Variants in VEGFC observed in about 807,000 individuals in gnomAD.
The protein encoded by VEGFC is FLT4 ligand DHM.
In VEGFC, 12 loss-of-function variants were observed where a neutral mutation model predicts 46.1. That is an observed-to-expected ratio of 0.26 (90% CI 0.17 to 0.42). The LOEUF (loss-of-function observed/expected upper bound fraction) is 0.42. Among genes scored for constraint, VEGFC ranks in the 10% least tolerant of loss-of-function variants. The probability of loss-of-function intolerance (pLI) is 1.00; values close to 1 mark genes in which losing one functional copy is unlikely to be tolerated. For missense variants in VEGFC, 488 were observed against 529.4 expected, an observed-to-expected ratio of 0.92 and a Z score of 0.77; for synonymous variants, 232 against 195.5, an observed-to-expected ratio of 1.19 and a Z score of -1.56.
chr4:176,750,030 A>C (rs1415620218), intron 1 of VEGFC, among the ~76,000 whole-genome samples: 1 of 151,852 alleles, frequency 6.6e-6, no homozygotes, highest in Non-Finnish European at 1.5e-5. Flanking sequence ...TCGGTAAACA[A>C]TCTTCAATTC....
At chr4:176,790,338 T>C (rs1560968719) in intron 1 of VEGFC, among the ~76,000 whole-genome samples, 1 of 152,056 alleles carries the variant, frequency 6.6e-6, no homozygotes. Context: ...ATATTCACCA[T>C]ACAGAATATA....
chr4:176,689,123 G>A (rs534957589), intron 4 of VEGFC, among the ~76,000 whole-genome samples: 1 of 152,076 alleles, frequency 6.6e-6, no homozygotes, highest in African/African-American at 2.4e-5. Flanking sequence ...TCAAATAGAA[G>A]TATTTATTTA....
intron 1 of VEGFC, among the ~76,000 whole-genome samples, chr4:176,755,438 T>C (rs1455786331): frequency 6.6e-6 from 1 of 152,010 alleles, no homozygotes; most frequent in Non-Finnish European, 1.5e-5. Flanking sequence ...CACTGTTTCA[T>C]AGAGTCCCCT....
chr4:176,785,834 G>T (rs1351821624), intron 1 of VEGFC, among the ~76,000 whole-genome samples: 1 of 152,130 alleles, frequency 6.6e-6, no homozygotes, highest in Non-Finnish European at 1.5e-5. Flanking sequence ...ATATGTGTGT[G>T]GGGGGTTCTG....
intron 1 of VEGFC, among the ~76,000 whole-genome samples, chr4:176,749,431 T>C (rs1045197207): frequency 1.1e-4 from 17 of 151,912 alleles, no homozygotes; most frequent in Non-Finnish European, 2.5e-4. Context: ...TTGTTTTAAA[T>C]GTCAAATTTT....
At chr4:176,775,188 C>T (rs1211654586) in intron 1 of VEGFC, among the ~76,000 whole-genome samples, 3 of 152,054 alleles carry the variant, frequency 2.0e-5, no homozygotes, top group African/African-American at 7.2e-5. Flanking sequence ...AAGTATAAAA[C>T]CTTTAATCAT....
rs138322942 is a variant in VEGFC at position 176,703,237 on chromosome 4, T to C, written c.704+8262A>G. Among the ~76,000 whole-genome samples, 309 of 152,152 alleles carry C rather than the reference T, an allele frequency of 2.0e-3. 2 individuals carry two copies. Among genetic ancestry groups the C allele is most frequent in the Middle Eastern group, 0.017 (5 of 294 alleles). ...TTGATGTTTGATATTTTTTAATTTA[T>C]AGAAGTTAAAAATAAAGAAAATCTG... On this transcript the variant is annotated intron_variant, in intron 4 of 6. Transcript: ENST00000618562.
chr4:176,690,781 G>A (rs995112699), intron 4 of VEGFC, among the ~76,000 whole-genome samples: 5 of 152,104 alleles, frequency 3.3e-5, no homozygotes, highest in Admixed American at 2.6e-4. Context: ...TGGTTATGTC[G>A]CTTCTGTGTT....
intron 1 of VEGFC, among the ~76,000 whole-genome samples, chr4:176,748,316 C>T (rs115604603): frequency 0.013 from 1,946 of 152,116 alleles, 15 homozygotes; most frequent in Non-Finnish European, 0.019. Context: ...AGATATCAAT[C>T]CAAATTTGAG....
chr4:176,791,865 G>A (rs1014906372), intron 1 of VEGFC, among the ~76,000 whole-genome samples: 3 of 152,124 alleles, frequency 2.0e-5, no homozygotes, highest in Admixed American at 2.0e-4. Flanking sequence ...CGCTGACTGG[G>A]CAGGGTTCAA....
chr4:176,692,086 T>C (rs1476679344), intron 4 of VEGFC, among the ~76,000 whole-genome samples: 2 of 152,050 alleles, frequency 1.3e-5, no homozygotes, highest in Non-Finnish European at 2.9e-5. Flanking sequence ...ACTGCGCTTT[T>C]CCGACGGGCT....
chr4:176,705,905 T>A (rs570585888), intron 4 of VEGFC: 1 of 151,938 alleles, frequency 6.6e-6, no homozygotes, highest in East Asian at 1.9e-4. Flanking sequence ...TTTTGTAGAT[T>A]AAAAAAAATG....
At chr4:176,707,318 C>T (rs2110994769) in intron 4 of VEGFC, among the ~76,000 whole-genome samples, 1 of 152,326 alleles carries the variant, frequency 6.6e-6, no homozygotes. Flanking sequence ...CACATTCTAA[C>T]ACTTGTTTTT....
chr4:176,705,614 A>G (rs947789182), intron 4 of VEGFC, among the ~76,000 whole-genome samples: 1 of 152,190 alleles, frequency 6.6e-6, no homozygotes, highest in Non-Finnish European at 1.5e-5. Context: ...TCAATTTCCA[A>G]ATCTGTAGGA....
Position 176,683,961 on chromosome 4 carries a change from C to A in VEGFC, c.1225G>T (p.Val409Phe). 6.2e-7 allele frequency: 1 copy of A among 1,614,160 alleles called. No homozygotes were observed. The highest frequency in any genetic ancestry group is 1.6e-4 in the Middle Eastern group (1 of 6,062). The stretch of plus-strand genomic sequence containing the variant: ...TGTGGTCTTTTCCAATATGAAGGGA[C>A]ACAACGACACACTTCTTCACTATAT... ...FSYSEEVCRC[V>F]PSYWKRPQMS Residue 409 changes from valine to phenylalanine, a missense_variant, in exon 7 of 7, where the codon GTC becomes TTC. Coordinates refer to ENST00000618562, the MANE Select transcript of VEGFC (RefSeq NM_005429.5).
At chr4:176,700,308 T>A (rs1176589748) in intron 4 of VEGFC, among the ~76,000 whole-genome samples, 1 of 151,596 alleles carries the variant, frequency 6.6e-6, no homozygotes, top group African/African-American at 2.4e-5. Context: ...TCCCAGTTAC[T>A]CAGGAGGCTG....
chr4:176,701,190 G>A (rs1734425872), intron 4 of VEGFC, among the ~76,000 whole-genome samples: 1 of 152,156 alleles, frequency 6.6e-6, no homozygotes, highest in Non-Finnish European at 1.5e-5. Flanking sequence ...GAGGAAACTC[G>A]TGAAAGAGGA....
chr4:176,708,382 A>T (rs1734571668), intron 4 of VEGFC, among the ~76,000 whole-genome samples: 1 of 152,094 alleles, frequency 6.6e-6, no homozygotes, highest in South Asian at 2.1e-4. Flanking sequence ...GTTATTTAAC[A>T]CTACATTGAA....
intron 1 of VEGFC, among the ~76,000 whole-genome samples, chr4:176,762,101 T>G (rs111396896): frequency 5.9e-4 from 90 of 152,328 alleles, no homozygotes; most frequent in African/African-American, 2.1e-3. Context: ...TGATGTCAGA[T>G]GTAGGCTCAG....
Sources: allele counts gnomAD v4.1 joint callset (sites outside exome capture counted in the v4.1 genomes callset), GRCh38; gene constraint gnomAD v4.1.1; transcripts MANE v1.5; gene names NCBI Gene and HGNC (gene_info 2026-07-23, HGNC 2026-07-21).